Variants in ACRV1 observed in about 807,000 individuals in gnomAD.
The protein encoded by ACRV1 is acrosomal protein SP-10.
ACRV1 carries 17 observed loss-of-function variants against 29.2 expected under a neutral mutation model. The ratio of observed to expected loss-of-function variants is 0.58; its 90% CI spans 0.40 to 0.87. The LOEUF is 0.87. Among genes scored for constraint, ACRV1 ranks in the 40% least tolerant of loss-of-function variants. The pLI is 0.00. For synonymous variants in ACRV1, 98 were observed against 111.6 expected, an observed-to-expected ratio of 0.88 and a Z score of 0.77; for missense variants, 294 against 316.0, an observed-to-expected ratio of 0.93 and a Z score of 0.53.
At position 125,676,311 on chromosome 11, in the gene ACRV1, A is replaced by T. The variant is rs200607433; in HGVS notation, c.673+48T>A. On this transcript the variant is annotated intron_variant, in intron 3 of 3. Coordinates refer to ENST00000533904, the MANE Select transcript of ACRV1 (RefSeq NM_001612.6). The stretch of plus-strand genomic sequence containing the variant: ...TTCCAACTGCCCCCTACCAGAAGTA[A>T]GTTGATGTGTTCTCAGGCAGAAATT... 1.6e-5 allele frequency: 25 copies of T among 1,607,412 alleles called. No homozygotes were observed. In the African/African-American group the frequency reaches 3.3e-4, roughly 21 times the overall value.
At chr11:125,678,978 T>TATATA in intron 1 of ACRV1, among the ~76,000 whole-genome samples, 1 of 88,444 alleles carries the variant, frequency 1.1e-5, no homozygotes, top group African/African-American at 4.3e-5. Context: ...TCTAGGCATA[T>TATATA]TATATATATA....
chr11:125,680,710 G>T lies in ACRV1; in HGVS notation c.52+19C>A. 1 of 1,609,692 alleles carries T rather than the reference G, an allele frequency of 6.2e-7. No individual in the cohort carries two copies. The highest frequency in any genetic ancestry group is 8.5e-7 in the Non-Finnish European group (1 of 1,176,394). On this transcript the variant is annotated intron_variant, in intron 1 of 3. Coordinates refer to ENST00000533904, the MANE Select transcript of ACRV1 (RefSeq NM_001612.6). Reference sequence around the variant, plus strand: ...GAGACCCCTTTTGTATTTACCTGAAGCCTAGATCAAACACTCACCTCTGGC... The same window carrying T: ...GAGACCCCTTTTGTATTTACCTGAATCCTAGATCAAACACTCACCTCTGGC...
At position 125,677,961 on chromosome 11, in the gene ACRV1, A is replaced by C. The variant is rs879040694; in HGVS notation, c.389T>G (p.Leu130Trp). The C allele has an allele frequency of 1.9e-6, 3 of 1,612,224 alleles. No homozygotes were observed. Among genetic ancestry groups the C allele is most frequent in the Non-Finnish European group, 2.5e-6 (3 of 1,178,634 alleles). ...CTGTTCACCTGACTCAAGCTCACTC[A>C]AAGGCTGTTCTCCGGAGAGGTGTTC... Reference protein sequence around the residue: ...SGEHLSGEQPLSELESGEQPS... With the variant: ...SGEHLSGEQPWSELESGEQPS... The change falls in exon 2 of 4, where the codon TTG (leucine) becomes TGG (tryptophan). Residue 130 changes from leucine (L) to tryptophan (W), a missense_variant. Transcript: ENST00000533904.
chr11:125,680,699 A>G (rs199922674), intron 1 of ACRV1, 30 bp downstream of exon 1: 173 of 1,603,374 alleles, frequency 1.1e-4, no homozygotes, highest in Non-Finnish European at 1.4e-4. Context: ...CCCCTTTTGT[A>G]TTTACCTGAA....
intron 3 of ACRV1, among the ~76,000 whole-genome samples, chr11:125,674,320 TA>T (rs1942376045): frequency 6.6e-6 from 1 of 152,166 alleles, no homozygotes; most frequent in Non-Finnish European, 1.5e-5. Context: ...GTATTTTGAT[TA>T]AGGGGGGCAT....
intron 2 of ACRV1, 104 bp from the exon 3 acceptor site, chr11:125,676,582 C>T: frequency 7.1e-7 from 1 of 1,404,534 alleles, no homozygotes; most frequent in Non-Finnish European, 9.9e-7. Context: ...ATGGATACTA[C>T]ACATTTATTT....
At chr11:125,676,223 A>T in intron 3 of ACRV1, 136 bp downstream of exon 3, 2 of 1,186,478 alleles carry the variant, frequency 1.7e-6, no homozygotes, top group Non-Finnish European at 1.2e-6. Flanking sequence ...TTCTGTTCTT[A>T]GTCCTTGAAA....
Position 125,676,473 on chromosome 11 carries a change from T to C in ACRV1, c.559A>G (p.Ile187Val). The C allele has an allele frequency of 6.2e-7, 1 of 1,614,186 alleles. No homozygotes were observed. Among genetic ancestry groups the C allele is most frequent in the South Asian group, 1.1e-5 (1 of 91,078 alleles). The change falls in exon 3 of 4, where the codon ATA becomes GTA. Residue 187 changes from isoleucine to valine, a missense_variant. Transcript: ENST00000533904. ...APISSTSTGT[I>V]LNCYTCAYMN... ...TAAGCACATGTGTAGCAATTTAATA[T>C]TGTGCCTGAAAATTTAAGATAAGCC... is the stretch of plus-strand genomic sequence containing the variant.
intron 3 of ACRV1, among the ~76,000 whole-genome samples, chr11:125,675,765 A>G (rs568438755): frequency 3.9e-5 from 6 of 152,284 alleles, no homozygotes; most frequent in Non-Finnish European, 5.9e-5. Flanking sequence ...CAATGTCCCA[A>G]TGGCTCATGG....
intron 3 of ACRV1, among the ~76,000 whole-genome samples, chr11:125,674,290 CAAAT>C (rs1156305466): frequency 4.6e-5 from 7 of 152,034 alleles, no homozygotes; most frequent in Non-Finnish European, 1.0e-4. Flanking sequence ...GCTATGCTGG[CAAAT>C]AAATGATTAA....
At position 125,675,369 on chromosome 11, in the gene ACRV1, C is replaced by CA. The variant is rs1555077988; in HGVS notation, c.673+989dup. ...TTGTTTCTTATTTCTTACATTATAA[C>CA]ATAATCTCTTTGTACACAGTTTATA... On this transcript the variant is annotated intron_variant, in intron 3 of 3. Transcript: ENST00000533904. Among the ~76,000 whole-genome samples the CA allele has an allele frequency of 6.6e-5, 10 of 152,230 alleles. No homozygotes were observed. The South Asian group carries it at 1.7e-3, about 25-fold the overall frequency.
Position 125,672,343 on chromosome 11 carries a change from C to T in ACRV1, c.*250G>A. 2.3e-6 allele frequency: 1 copy of T among 434,630 alleles called. No homozygotes were observed. Among genetic ancestry groups the T allele is most frequent in the Non-Finnish European group, 4.1e-6 (1 of 245,194 alleles). 26.9% of individuals were successfully genotyped at this position (434,630 alleles called of 1,614,324 possible). On this transcript the variant is annotated 3_prime_UTR_variant, in exon 4 of 4. Coordinates refer to ENST00000533904, the MANE Select transcript of ACRV1 (RefSeq NM_001612.6). ...CTGTCTTGAGCCTGTGTGCTTTAACCATGTGAAATTTATTGAAAAAAAAAT... is the reference window on the plus strand; with the variant it reads ...CTGTCTTGAGCCTGTGTGCTTTAACTATGTGAAATTTATTGAAAAAAAAAT...
chr11:125,673,008 T>C (rs1192691394), intron 3 of ACRV1, among the ~76,000 whole-genome samples: 3 of 152,098 alleles, frequency 2.0e-5, no homozygotes, highest in Non-Finnish European at 4.4e-5. Context: ...CCTAGCACTA[T>C]CCTTCCTTTC....
intron 2 of ACRV1, among the ~76,000 whole-genome samples, chr11:125,676,921 C>A (rs139214489): frequency 1.3e-5 from 2 of 150,790 alleles, no homozygotes; most frequent in African/African-American, 2.5e-5. Context: ...CATTGCAAAC[C>A]CTGTGAAGAG....
chr11:125,676,220 C>T (rs1942500397), intron 3 of ACRV1, 139 bp downstream of exon 3: 2 of 1,178,656 alleles, frequency 1.7e-6, no homozygotes, highest in South Asian at 3.0e-5. Flanking sequence ...GGATTCTGTT[C>T]TTAGTCCTTG....
rs557793445 is a variant in ACRV1 at position 125,672,033 on chromosome 11, T to A, written c.*560A>T. On this transcript the variant is annotated 3_prime_UTR_variant, in exon 4 of 4. Transcript: ENST00000533904. ...TATCATTATGTTAGTAGTGGACTAC[T>A]GAAGACTAGAAACTCTCAAGAGCCA... 2 of 152,536 alleles carry A rather than the reference T, an allele frequency of 1.3e-5. No homozygotes were observed. The highest frequency in any genetic ancestry group is 1.3e-4 in the Admixed American group (2 of 15,310). The allele number at this position is 152,536 out of a possible 1,614,324, so 9.4% of individuals were successfully genotyped here. A position where few individuals can be genotyped will look rare whatever the true frequency, so the allele number is the denominator to read the frequency against.
intron 1 of ACRV1, among the ~76,000 whole-genome samples, chr11:125,679,230 G>A (rs116796180): frequency 4.1e-5 from 3 of 73,222 alleles, no homozygotes; most frequent in Non-Finnish European, 8.5e-5. Flanking sequence ...TTTTTTTTTT[G>A]TTTCAAAGAT....
chr11:125,677,173 GAAT>G (rs1429262965), intron 2 of ACRV1, among the ~76,000 whole-genome samples: 7 of 152,198 alleles, frequency 4.6e-5, no homozygotes, highest in Non-Finnish European at 7.3e-5. Flanking sequence ...TGAAAATTTA[GAAT>G]AATGATATTT....
chr11:125,678,601 G>A (rs1565397193), intron 1 of ACRV1, among the ~76,000 whole-genome samples: 1 of 152,016 alleles, frequency 6.6e-6, no homozygotes, highest in Non-Finnish European at 1.5e-5. Context: ...ACCCCTGAAG[G>A]AAAATGAATG....
Sources: allele counts gnomAD v4.1 joint callset (sites outside exome capture counted in the v4.1 genomes callset), GRCh38; gene constraint gnomAD v4.1.1; transcripts MANE v1.5; gene names NCBI Gene and HGNC (gene_info 2026-07-23, HGNC 2026-07-21).